The following SLC17A7 variants were observed in gnomAD, a reference collection of about 807,000 sequenced individuals.
The protein encoded by SLC17A7 is solute carrier family 17 member 7.
SLC17A7 carries 15 observed loss-of-function variants against 59.1 expected under a neutral mutation model. That is an observed-to-expected ratio of 0.25 (90% CI 0.17 to 0.39). The LOEUF (loss-of-function observed/expected upper bound fraction) is 0.39, where lower values mean the gene tolerates loss of function less well. Among genes scored for constraint, SLC17A7 ranks in the 10% least tolerant of loss-of-function variants. SLC17A7 has a pLI of 1.00. For missense variants in SLC17A7, 499 were observed against 765.1 expected (o/e 0.65, Z 4.10); for synonymous variants, 353 against 308.9 (o/e 1.14, Z -1.50).
rs748726110 is a variant in SLC17A7 at position 49,430,606 on chromosome 19, C to T, written c.1596G>A (p.Gly532=). ...AGGAGGGCGGGGGTGCAGGGGGTGC[C>T]CCCGGGGGCTCAGCCTCATCCTCCA... ...SEMEDEAEPP[G]APPAPPPSYG... Residue 532 remains glycine, a synonymous_variant, in exon 12 of 12, where the codon GGG becomes GGA. Coordinates refer to ENST00000221485, the MANE Select transcript of SLC17A7 (RefSeq NM_020309.4). The T allele has an allele frequency of 3.1e-6, 5 of 1,613,702 alleles. No homozygotes were observed. The highest frequency in any genetic ancestry group is 1.3e-5 in the African/African-American group (1 of 75,024).
chr19:49,441,429 C>G lies in SLC17A7; in HGVS notation c.-50G>C, dbSNP rs2078999663. On this transcript the variant is annotated 5_prime_UTR_variant, in exon 1 of 12. Coordinates refer to ENST00000221485, the MANE Select transcript of SLC17A7 (RefSeq NM_020309.4). ...CCCCGCGGGTCCCCCCCGCCGATCC[C>G]CCCGCCCGCGGGCCCGGGCGGCCGC... The G allele has an allele frequency of 7.1e-7, 1 of 1,403,148 alleles. No individual in the cohort carries two copies. 86.9% of individuals were successfully genotyped at this position (1,403,148 alleles called of 1,614,324 possible). A position where few individuals can be genotyped will look rare whatever the true frequency, so the allele number is the denominator to read the frequency against.
chr19:49,435,333 G>T, intron 2 of SLC17A7, 47 bp from the exon 3 acceptor site: 1 of 1,386,812 alleles, frequency 7.2e-7, no homozygotes, highest in Non-Finnish European at 1.0e-6. Flanking sequence ...TCCAGGCTCT[G>T]CCGCTCCACC....
Position 49,436,854 on chromosome 19 carries a change from AC to A in SLC17A7, c.63-54del. ...GGAAGTCCAGGCCCCCAGCCCCCTCACCCCCAAGACCAGGATCCAGGGCAAA... is the reference window on the plus strand; with the variant it reads ...GGAAGTCCAGGCCCCCAGCCCCCTCACCCCAAGACCAGGATCCAGGGCAAA... On this transcript the variant is annotated intron_variant, in intron 1 of 11. Transcript: ENST00000221485. The surrounding 1 kb of genome is among the most constrained non-coding windows in gnomAD (Gnocchi z 4.1). 1.4e-6 allele frequency: 2 copies of A among 1,452,228 alleles called. No homozygotes were observed. The highest frequency in any genetic ancestry group is 1.8e-6 in the Non-Finnish European group (2 of 1,110,530). 90.0% of individuals were successfully genotyped at this position (1,452,228 alleles called of 1,614,324 possible). A position where few individuals can be genotyped will look rare whatever the true frequency, so the allele number is the denominator to read the frequency against.
chr19:49,439,416 T>C (rs868835974), intron 1 of SLC17A7, among the ~76,000 whole-genome samples: 1 of 152,146 alleles, frequency 6.6e-6, no homozygotes, highest in Non-Finnish European at 1.5e-5. Flanking sequence ...TGGGTTCTCA[T>C]CTCTCTGGCA....
intron 5 of SLC17A7, 138 bp from the exon 6 acceptor site, chr19:49,434,184 C>A: frequency 1.5e-6 from 1 of 648,740 alleles, no homozygotes; most frequent in Non-Finnish European, 2.7e-6. Flanking sequence ...GAATCCAGGC[C>A]TAGCCCCTCC....
At chr19:49,439,220 C>G (rs1356932311) in intron 1 of SLC17A7, among the ~76,000 whole-genome samples, 2 of 152,140 alleles carry the variant, frequency 1.3e-5, no homozygotes, top group African/African-American at 4.8e-5. Flanking sequence ...TCCACTCCCC[C>G]ACGTCTTTGT....
At chr19:49,432,697 C>T (rs772572486) in intron 8 of SLC17A7, 46 bp from the exon 9 acceptor site, 6 of 1,604,730 alleles carry the variant, frequency 3.7e-6, no homozygotes, top group Non-Finnish European at 4.3e-6. Flanking sequence ...GGGCCGCCGG[C>T]TCGGCGTCTC....
chr19:49,433,644 G>A lies in SLC17A7; in HGVS notation c.867+82C>T, dbSNP rs771549716. 4.0e-5 allele frequency: 64 copies of A among 1,591,610 alleles called. No homozygotes were observed. In the South Asian group the frequency reaches 6.9e-4, roughly 17 times the overall value. On this transcript the variant is annotated intron_variant, in intron 7 of 11. Transcript: ENST00000221485. This position sits in a 1 kb window ranked among gnomAD's most constrained non-coding sequence, Gnocchi z 5.7. Reference sequence around the variant, plus strand: ...GTCCCGTCTCCTCTAGAGTCTGCAGGAACCGTCCCTGATCTACACGCTGTG... The same window carrying A: ...GTCCCGTCTCCTCTAGAGTCTGCAGAAACCGTCCCTGATCTACACGCTGTG...
rs1278018735 is a variant in SLC17A7 at position 49,436,350 on chromosome 19, A to G, written c.315+199T>C. On this transcript the variant is annotated intron_variant, in intron 2 of 11. Transcript: ENST00000221485. This position sits in a 1 kb window ranked among gnomAD's most constrained non-coding sequence, Gnocchi z 4.1. The stretch of plus-strand genomic sequence containing the variant: ...ATAAGGGCGGGACTTCATTTAGATC[A>G]GGACGGGGCTTAGGAAACGGAGGCG... Among the ~76,000 whole-genome samples the G allele has an allele frequency of 6.6e-6, 1 of 152,098 alleles. No individual in the cohort carries two copies. The highest frequency in any genetic ancestry group is 6.5e-5 in the Admixed American group (1 of 15,290).
Position 49,432,871 on chromosome 19 carries a change from G to A in SLC17A7, c.957C>T (p.Tyr319=), listed in dbSNP as rs758533037. 124 of 1,596,212 alleles carry A rather than the reference G, an allele frequency of 7.8e-5. No individual in the cohort carries two copies. In the Admixed American group the frequency reaches 2.2e-3, roughly 28 times the overall value. The change falls in exon 8 of 12, where the codon TAC becomes TAT. Residue 319 remains tyrosine (Y), a synonymous_variant. Transcript: ENST00000221485. The part of the protein sequence containing the change: ...VANFCRSWTF[Y]LLLISQPAYF... ...AGGCGGGCTGGGAGATGAGCAGCAGGTAGAACGTCCAGCTGCGGCAGAAGT... is the reference window on the plus strand; with the variant it reads ...AGGCGGGCTGGGAGATGAGCAGCAGATAGAACGTCCAGCTGCGGCAGAAGT...
intron 3 of SLC17A7, 37 bp from the exon 4 acceptor site, chr19:49,434,919 C>T (rs1459824648): frequency 6.3e-7 from 1 of 1,583,516 alleles, no homozygotes; most frequent in East Asian, 2.3e-5. Context: ...TCCAAGCTAT[C>T]CAGCCATGCC....
In SLC17A7 at chr19:49,430,533, CA is replaced by C; in HGVS notation, c.1668del (p.Val557SerfsTer25). On this transcript the variant is annotated frameshift_variant, in exon 12 of 12. Coordinates refer to ENST00000221485, the MANE Select transcript of SLC17A7 (RefSeq NM_020309.4). LOFTEE classifies it high-confidence loss of function. ...GAGGCACATGGTCAGTAGTCCCGGA[CA>C]GGGGGTGGGGGCCTGGGGGGCTGAA... ...STFQPPRPPP[P>X]VRDY 6.3e-7 allele frequency: 1 copy of C among 1,577,736 alleles called. No homozygotes were observed. Among genetic ancestry groups the C allele is most frequent in the South Asian group, 1.2e-5 (1 of 84,418 alleles).
At position 49,434,591 on chromosome 19, in the gene SLC17A7, C is replaced by G; in HGVS notation, c.637+11G>C. The G allele has an allele frequency of 6.3e-7, 1 of 1,596,826 alleles. No individual in the cohort carries two copies. Among genetic ancestry groups the G allele is most frequent in the Non-Finnish European group, 8.5e-7 (1 of 1,175,102 alleles). On this transcript the variant is annotated intron_variant, in intron 5 of 11. Coordinates refer to ENST00000221485, the MANE Select transcript of SLC17A7 (RefSeq NM_020309.4). Reference sequence around the variant, plus strand: ...CTCAGATTCAGGAGTGAGGATCCCTCTTCCTCTCACCACAAAAGGCTGTCG... The same window carrying G: ...CTCAGATTCAGGAGTGAGGATCCCTGTTCCTCTCACCACAAAAGGCTGTCG...
chr19:49,431,310 C>A lies in SLC17A7; in HGVS notation c.1261+28G>T. ...GTTCCCTACAGAGCTGACCAGAGTC[C>A]CCCAAGCTGCGGATCCGCGGTTCTC... On this transcript the variant is annotated intron_variant, in intron 10 of 11. Coordinates refer to ENST00000221485, the MANE Select transcript of SLC17A7 (RefSeq NM_020309.4). The surrounding 1 kb of genome is among the most constrained non-coding windows in gnomAD (Gnocchi z 4.6). 6.2e-7 allele frequency: 1 copy of A among 1,610,322 alleles called. No homozygotes were observed. Among genetic ancestry groups the A allele is most frequent in the Non-Finnish European group, 8.5e-7 (1 of 1,177,152 alleles).
intron 3 of SLC17A7, 125 bp downstream of exon 3, chr19:49,435,043 A>C: frequency 9.8e-7 from 1 of 1,018,520 alleles, no homozygotes; most frequent in Non-Finnish European, 1.5e-6. Context: ...ACCTTTCTCT[A>C]AGACCCACCC....
rs570786938 is a variant in SLC17A7, at chr19:49,441,298, G to C, written c.62+20C>G. ...CCTCAGATCCTCCCACTCTTCTCCCGGGACCCCCGCCAGGCTCACCGGTGC... is the reference window on the plus strand; with the variant it reads ...CCTCAGATCCTCCCACTCTTCTCCCCGGACCCCCGCCAGGCTCACCGGTGC... On this transcript the variant is annotated intron_variant, in intron 1 of 11. Transcript: ENST00000221485. The C allele has an allele frequency of 1.3e-4, 214 of 1,607,432 alleles. 1 individual carries two copies. In the South Asian group the frequency reaches 2.3e-3, roughly 17 times the overall value.
chr19:49,430,913 T>C, intron 11 of SLC17A7, 101 bp from the exon 12 acceptor site: 2 of 1,551,726 alleles, frequency 1.3e-6, no homozygotes, highest in Admixed American at 1.8e-5. Context: ...CCAGGGAGGC[T>C]GAAAAGGCAG....
chr19:49,441,281 C>G, intron 1 of SLC17A7, 37 bp downstream of exon 1: 1 of 1,601,376 alleles, frequency 6.2e-7, no homozygotes, highest in Non-Finnish European at 8.5e-7. Flanking sequence ...CTCCTCAGAT[C>G]CTCCCACTCT....
At chr19:49,435,024 G>T in intron 3 of SLC17A7, 142 bp from the exon 4 acceptor site, 1 of 1,003,662 alleles carries the variant, frequency 1.0e-6, no homozygotes. Context: ...TTCCTCAATC[G>T]CAAGCCCCAC....
Sources: allele counts gnomAD v4.1 joint callset (sites outside exome capture counted in the v4.1 genomes callset), GRCh38; gene constraint gnomAD v4.1.1; non-coding constraint Gnocchi (gnomAD v3.1); transcripts MANE v1.5; gene names NCBI Gene and HGNC (gene_info 2026-07-23, HGNC 2026-07-21).